TJP3: variants seen among roughly 807,000 people sequenced by gnomAD.
TJP3 encodes the protein tight junction protein 3.
Under a neutral mutation model 104.2 loss-of-function variants are expected in TJP3, and 85 were observed. The observed-to-expected ratio is 0.82, with a 90% CI of 0.68 to 0.98. The LOEUF is 0.98. Among genes scored for constraint, TJP3 ranks in the 50% least tolerant of loss-of-function variants. The pLI, the probability that TJP3 is intolerant of heterozygous loss-of-function variation, is 0.00. For synonymous variants in TJP3, 550 were observed against 550.6 expected (o/e 1.00, Z 0.02); for missense variants, 1,367 against 1,322.8 (o/e 1.03, Z -0.52).
rs551113291 is a variant in TJP3 at position 3,738,333 on chromosome 19, C to A, written c.1285-222C>A. Among the ~76,000 whole-genome samples, 10 of 152,314 alleles carry A rather than the reference C, an allele frequency of 6.6e-5. No individual in the cohort carries two copies. The South Asian group carries it at 2.1e-3, about 32-fold the overall frequency. ...GCAGTGCCTGTGCCCGTTTCTGTGT[C>A]AAAACTCTTGTATCCTTACAATGCC... On this transcript the variant is annotated intron_variant, in intron 11 of 20. Coordinates refer to ENST00000541714, the MANE Select transcript of TJP3 (RefSeq NM_001267560.2).
intron 12 of TJP3, 67 bp downstream of exon 12, chr19:3,738,730 G>A: frequency 1.4e-6 from 2 of 1,444,454 alleles, no homozygotes; most frequent in Middle Eastern, 2.3e-4. Flanking sequence ...GTGGCCTGGT[G>A]GTGAGTGCAG....
At chr19:3,743,578 C>T (rs924792858) in intron 14 of TJP3, 2 of 195,064 alleles carry the variant, frequency 1.0e-5, no homozygotes, top group African/African-American at 2.3e-5. Context: ...ATGCAGTGGG[C>T]CAGATGTGGC....
intron 1 of TJP3, among the ~76,000 whole-genome samples, chr19:3,722,930 G>T (rs1406670584): frequency 1.7e-5 from 2 of 114,862 alleles, no homozygotes; most frequent in Non-Finnish European, 3.4e-5. Context: ...TACCGGCCCC[G>T]TCCCCTCTGG....
chr19:3,709,108 C>A (rs554832625), intron 1 of TJP3, among the ~76,000 whole-genome samples: 62 of 152,198 alleles, frequency 4.1e-4, no homozygotes, highest in Non-Finnish European at 7.4e-5. Flanking sequence ...ATTGGGGTGG[C>A]CTTTCTTTTG....
At chr19:3,744,885 G>A (rs758477299) in intron 15 of TJP3, among the ~76,000 whole-genome samples, 1 of 152,026 alleles carries the variant, frequency 6.6e-6, no homozygotes, top group Non-Finnish European at 1.5e-5. Flanking sequence ...CAGAGATCAC[G>A]CCACTGCGCT....
At chr19:3,735,984 G>T in intron 10 of TJP3, 49 bp downstream of exon 10, 1 of 1,609,602 alleles carries the variant, frequency 6.2e-7, no homozygotes, top group Non-Finnish European at 8.5e-7. Context: ...CTACATCCCA[G>T]GCTGCCTCCC....
Position 3,730,975 on chromosome 19 carries a change from G to A in TJP3, c.613+269G>A, listed in dbSNP as rs529516169. Among the ~76,000 whole-genome samples, 172 of 152,282 alleles carry A rather than the reference G, an allele frequency of 1.1e-3. No individual in the cohort carries two copies. Among genetic ancestry groups the A allele is most frequent in the African/African-American group, 3.2e-3 (133 of 41,556 alleles). ...GCTGGGATTGTGGGCGTGAGCCACC[G>A]CGCCCAGCCTGGAAGCTACAACTAC... is the stretch of plus-strand genomic sequence containing the variant. On this transcript the variant is annotated intron_variant, in intron 5 of 20. Coordinates refer to ENST00000541714, the MANE Select transcript of TJP3 (RefSeq NM_001267560.2). The surrounding 1 kb of genome is among the most constrained non-coding windows in gnomAD (Gnocchi z 7.3).
At chr19:3,716,769 C>G (rs2036480325) in intron 1 of TJP3, among the ~76,000 whole-genome samples, 1 of 138,602 alleles carries the variant, frequency 7.2e-6, no homozygotes, top group Non-Finnish European at 1.6e-5. Context: ...TGCTACCACA[C>G]CCAGCTCATA....
chr19:3,723,642 A>G (rs1226983692), intron 1 of TJP3, among the ~76,000 whole-genome samples: 1 of 151,588 alleles, frequency 6.6e-6, no homozygotes, highest in Non-Finnish European at 1.5e-5. Flanking sequence ...AAATACAAAA[A>G]TTAGCCGGGC....
chr19:3,750,339 C>T (rs945948995), intron 20 of TJP3, among the ~76,000 whole-genome samples, 155 bp downstream of exon 20: 4 of 152,248 alleles, frequency 2.6e-5, no homozygotes, highest in Non-Finnish European at 4.4e-5. Context: ...CCCATATAAT[C>T]AGGGCCAAGG....
At position 3,730,446 on chromosome 19, in the gene TJP3, C is replaced by T; in HGVS notation, c.353C>T (p.Pro118Leu). 1 of 1,589,698 alleles carries T rather than the reference C, an allele frequency of 6.3e-7. No individual in the cohort carries two copies. Among genetic ancestry groups the T allele is most frequent in the South Asian group, 1.1e-5 (1 of 88,404 alleles). ...GRQDSDEDDG[P>L]QRVEEVDQGR... ...CAGGACTCGGATGAAGACGATGGGC[C>T]CCAGCGGGTGGAGGAGGTGGACCAG... Residue 118 changes from proline to leucine, a missense_variant, in exon 5 of 21, where the codon CCC becomes CTC. Transcript: ENST00000541714. This position sits in a 1 kb window ranked among gnomAD's most constrained non-coding sequence, Gnocchi z 7.3.
At chr19:3,731,642 TTAAAAAA>T (rs777313839) in intron 5 of TJP3, among the ~76,000 whole-genome samples, 8 of 150,996 alleles carry the variant, frequency 5.3e-5, no homozygotes, top group Admixed American at 2.0e-4. Context: ...TCGAAAAAAA[TTAAAAAA>T]TAAAAAATAA....
At chr19:3,741,912 G>A (rs1203487923) in intron 14 of TJP3, among the ~76,000 whole-genome samples, 1 of 152,142 alleles carries the variant, frequency 6.6e-6, no homozygotes, top group Admixed American at 6.6e-5. Flanking sequence ...AGAGGTTGCA[G>A]TGAGCGGAGA....
At chr19:3,735,512 A>G (rs1039777575) in intron 8 of TJP3, 54 bp from the exon 9 acceptor site, 3 of 1,584,052 alleles carry the variant, frequency 1.9e-6, no homozygotes, top group Non-Finnish European at 2.6e-6. Context: ...AATTCTTTTT[A>G]AAATGGCCCC....
chr19:3,746,680 A>G lies in TJP3; in HGVS notation c.2206A>G (p.Ser736Gly), dbSNP rs1232155864. 1 of 1,612,204 alleles carries G rather than the reference A, an allele frequency of 6.2e-7. No individual in the cohort carries two copies. The highest frequency in any genetic ancestry group is 1.3e-5 in the African/African-American group (1 of 74,916). Residue 736 changes from serine (S) to glycine (G), a missense_variant, in exon 17 of 21, where the codon AGC (serine) becomes GGC (glycine). By Grantham distance (56) the Ser-to-Gly change is moderately conservative (BLOSUM62 0). Transcript: ENST00000541714. This position sits in a 1 kb window ranked among gnomAD's most constrained non-coding sequence, Gnocchi z 4.1. ...AGCCCAGAAGCTGCGAAAACACAGC[A>G]GCCACCTCTTCACAGGTTGGGGGGT... ...AQAQKLRKHS[S>G]HLFTATIPLN... is the part of the protein sequence containing the mutation.
rs369076598 is a variant in TJP3, at chr19:3,730,577, C to T, written c.484C>T (p.Arg162Cys). 84 of 1,609,310 alleles carry T rather than the reference C, an allele frequency of 5.2e-5. 1 individual carries two copies. Among genetic ancestry groups the T allele is most frequent in the East Asian group, 4.0e-4 (18 of 44,838 alleles). The stretch of plus-strand genomic sequence containing the variant: ...CCGGGGCCGGGCCGGCAGCCATGGG[C>T]GTAGGAGCCCAGGTGGTGGCTCTGA... ...GRRGRAGSHG[R>C]RSPGGGSEAN... is the part of the protein sequence containing the mutation. Residue 162 changes from arginine to cysteine, a missense_variant, in exon 5 of 21, where the codon CGT becomes TGT. Physicochemically the swap from Arg to Cys is radical, Grantham distance 180 (BLOSUM62 -3). Transcript: ENST00000541714. This position sits in a 1 kb window ranked among gnomAD's most constrained non-coding sequence, Gnocchi z 7.3.
At chr19:3,717,632 G>A (rs1368959334) in intron 1 of TJP3, among the ~76,000 whole-genome samples, 2 of 150,894 alleles carry the variant, frequency 1.3e-5, no homozygotes, top group African/African-American at 2.4e-5. Context: ...GATGGGTTTT[G>A]CCCTGTGGGC....
intron 1 of TJP3, among the ~76,000 whole-genome samples, chr19:3,720,599 C>G (rs954598221): frequency 6.6e-6 from 1 of 151,816 alleles, no homozygotes; most frequent in African/African-American, 2.4e-5. Context: ...GGGGTGGGGC[C>G]CAGGCACAGC....
At chr19:3,734,023 G>A (rs1018304221) in intron 7 of TJP3, 111 bp downstream of exon 7, 34 of 1,410,416 alleles carry the variant, frequency 2.4e-5, no homozygotes, top group Non-Finnish European at 3.2e-5. Context: ...GAGGCTCAGA[G>A]AGTGACAGGA....
Sources: allele counts gnomAD v4.1 joint callset (sites outside exome capture counted in the v4.1 genomes callset), GRCh38; gene constraint gnomAD v4.1.1; non-coding constraint Gnocchi (gnomAD v3.1); transcripts MANE v1.5; gene names NCBI Gene and HGNC (gene_info 2026-07-23, HGNC 2026-07-21).